The following RBFOX1 variants were observed in gnomAD, a reference collection of about 807,000 sequenced individuals.
RBFOX1 encodes RNA binding fox-1 homolog 1.
RBFOX1 carries 8 observed loss-of-function variants against 57.7 expected under a neutral mutation model. The observed-to-expected ratio is 0.14, with a 90% CI of 0.08 to 0.25. The LOEUF (loss-of-function observed/expected upper bound fraction) is 0.25. Among genes scored for constraint, RBFOX1 ranks in the 10% least tolerant of loss-of-function variants. The probability of loss-of-function intolerance (pLI) is 1.00; values close to 1 mark genes in which losing one functional copy is unlikely to be tolerated. For missense variants in RBFOX1, 611 were observed against 548.5 expected, an observed-to-expected ratio of 1.11 and a Z score of -1.14; for synonymous variants, 326 against 222.4, an observed-to-expected ratio of 1.47 and a Z score of -4.15.
chr16:7,660,859 T>C (rs535675208), intron 12 of RBFOX1, among the ~76,000 whole-genome samples: 1 of 152,300 alleles, frequency 6.6e-6, no homozygotes, highest in South Asian at 2.1e-4. Flanking sequence ...CTGCCTGCCA[T>C]AGTACTTAAG....
intron 14 of RBFOX1, among the ~76,000 whole-genome samples, chr16:7,679,029 C>G (rs751218340): frequency 6.6e-6 from 1 of 152,152 alleles, no homozygotes; most frequent in Non-Finnish European, 1.5e-5. Context: ...AAATTGATAA[C>G]TATTCCTATT....
At chr16:6,542,407 G>A (rs1399895869) in intron 2 of RBFOX1, among the ~76,000 whole-genome samples, 1 of 148,494 alleles carries the variant, frequency 6.7e-6, no homozygotes, top group African/African-American at 2.5e-5. Flanking sequence ...GCTTTCCTCT[G>A]AGCTCAACAA....
At position 7,274,587 on chromosome 16, in the gene RBFOX1, T is replaced by A. The variant is rs1283679898; in HGVS notation, c.27+222489T>A. Among the ~76,000 whole-genome samples, 5 of 152,318 alleles carry A rather than the reference T, an allele frequency of 3.3e-5. No individual in the cohort carries two copies. The South Asian group carries it at 1.0e-3, about 32-fold the overall frequency. On this transcript the variant is annotated intron_variant, in intron 4 of 15. Coordinates refer to ENST00000550418, the MANE Select transcript of RBFOX1 (RefSeq NM_018723.4). ...CTAATCACTTCTCTCTGGAACTAGG[T>A]CTACTTATGGGCCACGTTTGAAGGG...
At chr16:6,911,337 A>G (rs963886311) in intron 3 of RBFOX1, among the ~76,000 whole-genome samples, 2 of 152,132 alleles carry the variant, frequency 1.3e-5, no homozygotes, top group Non-Finnish European at 2.9e-5. Flanking sequence ...TGTGGAGGCC[A>G]GAAGTCCAAG....
At chr16:7,292,317 A>T (rs1464298324) in intron 4 of RBFOX1, among the ~76,000 whole-genome samples, 2 of 131,082 alleles carry the variant, frequency 1.5e-5, no homozygotes, top group Non-Finnish European at 3.1e-5. Flanking sequence ...ATGACGTATT[A>T]TATATCATAT....
intron 2 of RBFOX1, among the ~76,000 whole-genome samples, chr16:6,510,479 A>G (rs938132775): frequency 6.6e-6 from 1 of 152,166 alleles, no homozygotes; most frequent in Non-Finnish European, 1.5e-5. Context: ...CACAGAGGAG[A>G]CCAGGTGAGG....
At chr16:6,961,163 G>GCACACACA (rs1407145779) in intron 3 of RBFOX1, among the ~76,000 whole-genome samples, 1 of 148,944 alleles carries the variant, frequency 6.7e-6, no homozygotes, top group Admixed American at 6.7e-5. Context: ...ACACACACAC[G>GCACACACA]CAAAAGAAAG....
chr16:7,582,737 G>C (rs1465339176), intron 6 of RBFOX1, among the ~76,000 whole-genome samples: 1 of 152,108 alleles, frequency 6.6e-6, no homozygotes, highest in African/African-American at 2.4e-5. Flanking sequence ...GCTCTATCCT[G>C]TCTTTGTCTT....
At chr16:6,749,491 T>G (rs1017235386) in intron 3 of RBFOX1, among the ~76,000 whole-genome samples, 1 of 152,100 alleles carries the variant, frequency 6.6e-6, no homozygotes, top group African/African-American at 2.4e-5. Context: ...TTCCCCACTT[T>G]CCAGATAAGG....
chr16:7,128,536 G>T (rs1300603735), intron 4 of RBFOX1, among the ~76,000 whole-genome samples: 2 of 152,194 alleles, frequency 1.3e-5, no homozygotes, highest in African/African-American at 4.8e-5. Context: ...CACTTAGTGA[G>T]GTAGAGATAC....
intron 11 of RBFOX1, among the ~76,000 whole-genome samples, chr16:7,651,195 C>T (rs2064984304): frequency 6.6e-6 from 1 of 152,186 alleles, no homozygotes; most frequent in Admixed American, 6.5e-5. Context: ...ATCCATAGAA[C>T]AGGACGGCTG....
intron 4 of RBFOX1, among the ~76,000 whole-genome samples, chr16:5,985,558 C>T (rs1325354067): frequency 1.3e-5 from 2 of 152,286 alleles, no homozygotes; most frequent in South Asian, 2.1e-4. Flanking sequence ...AGGGAAGGTT[C>T]AAACCCAGGC....
chr16:6,169,280 A>G (rs2096940782), intron 1 of RBFOX1, among the ~76,000 whole-genome samples: 1 of 152,142 alleles, frequency 6.6e-6, no homozygotes, highest in African/African-American at 2.4e-5. Flanking sequence ...TGGCCTGGAG[A>G]GTCTAATGGA....
chr16:7,572,656 G>A (rs962671550), intron 5 of RBFOX1, among the ~76,000 whole-genome samples: 6 of 152,090 alleles, frequency 3.9e-5, no homozygotes, highest in African/African-American at 4.8e-5. Flanking sequence ...TGGCTAACGC[G>A]GTGAAACCCT....
At chr16:6,135,066 A>T (rs188133347) in intron 1 of RBFOX1, among the ~76,000 whole-genome samples, 3 of 152,076 alleles carry the variant, frequency 2.0e-5, no homozygotes, top group African/African-American at 7.2e-5. Flanking sequence ...TCGTTGTTCA[A>T]TTCCCACCTG....
At position 7,622,579 on chromosome 16, in the gene RBFOX1, G is replaced by A. The variant is rs542185900; in HGVS notation, c.677-8024G>A. Among the ~76,000 whole-genome samples, 36 of 151,838 alleles carry A rather than the reference G, an allele frequency of 2.4e-4. 1 individual carries two copies. Among genetic ancestry groups the A allele is most frequent in the African/African-American group, 8.7e-4 (36 of 41,408 alleles). On this transcript the variant is annotated intron_variant, in intron 10 of 15. Transcript: ENST00000550418. ...ACTTTTCCAAAAAGTCTCAAGTTAT[G>A]TCAAAATAAAAAGCAAAAAGAAAAC...
chr16:5,679,168 T>TA (rs2050254994), intron 3 of RBFOX1, among the ~76,000 whole-genome samples: 1 of 152,198 alleles, frequency 6.6e-6, no homozygotes, highest in Admixed American at 6.5e-5. Context: ...AGGGCAAGGC[T>TA]ATTGAAAGTA....
chr16:6,882,699 G>T (rs1000729678), intron 3 of RBFOX1, among the ~76,000 whole-genome samples: 3 of 152,182 alleles, frequency 2.0e-5, no homozygotes, highest in South Asian at 2.1e-4. Context: ...CAACCATTCA[G>T]TTTGGGATAT....
chr16:7,137,071 A>G (rs1286106998), intron 4 of RBFOX1, among the ~76,000 whole-genome samples: 1 of 152,138 alleles, frequency 6.6e-6, no homozygotes, highest in Non-Finnish European at 1.5e-5. Flanking sequence ...TATTATTTCT[A>G]TTCTATAAAG....
Sources: gnomAD v4.1 joint callset for allele counts (sites outside exome capture counted in the v4.1 genomes callset) on GRCh38, gnomAD v4.1.1 for gene constraint, MANE v1.5 for transcripts, NCBI Gene and HGNC (gene_info 2026-07-23, HGNC 2026-07-21) for gene names.